Variants in NSUN6 observed in about 807,000 individuals in gnomAD.
NSUN6 encodes the protein tRNA (cytosine(72)-C(5))-methyltransferase NSUN6.
NSUN6 carries 64 observed loss-of-function variants against 58.0 expected under a neutral mutation model. That is an observed-to-expected ratio of 1.10 (90% CI 0.90 to 1.36). NSUN6 has a LOEUF of 1.36. Ranked by LOEUF, NSUN6 falls within the 40% of genes most tolerant of loss-of-function variation. The pLI is 0.00. For missense variants in NSUN6, 701 were observed against 550.1 expected (o/e 1.27, Z -2.74); for synonymous variants, 231 against 193.9 (o/e 1.19, Z -1.59).
intron 3 of NSUN6, among the ~76,000 whole-genome samples, chr10:18,617,840 G>C (rs2058467287): frequency 6.6e-6 from 1 of 152,136 alleles, no homozygotes; most frequent in Admixed American, 6.5e-5. Flanking sequence ...ATAATAAAAA[G>C]GGCTTGCAGC....
chr10:18,632,155 A>G (rs1206758214), intron 3 of NSUN6, among the ~76,000 whole-genome samples: 1 of 152,044 alleles, frequency 6.6e-6, no homozygotes, highest in African/African-American at 2.4e-5. Flanking sequence ...GCAATGGGGA[A>G]AGGATTCCCT....
intron 7 of NSUN6, among the ~76,000 whole-genome samples, chr10:18,590,147 C>A (rs2057324056): frequency 6.6e-6 from 1 of 151,828 alleles, no homozygotes; most frequent in African/African-American, 2.4e-5. Flanking sequence ...CAACAAAGAT[C>A]AAAAAAGACA....
At chr10:18,610,926 C>T (rs949152686) in intron 5 of NSUN6, among the ~76,000 whole-genome samples, 2 of 151,990 alleles carry the variant, frequency 1.3e-5, no homozygotes, top group Non-Finnish European at 2.9e-5. Flanking sequence ...GGATTTAAGC[C>T]GGCACAGTGG....
chr10:18,590,819 C>T (rs746338556), intron 7 of NSUN6, among the ~76,000 whole-genome samples: 7 of 152,042 alleles, frequency 4.6e-5, no homozygotes, highest in East Asian at 1.9e-4. Flanking sequence ...GATCTGAAAT[C>T]GACACCCAAA....
At chr10:18,591,824 C>G (rs1212099216) in intron 7 of NSUN6, among the ~76,000 whole-genome samples, 1 of 152,162 alleles carries the variant, frequency 6.6e-6, no homozygotes, top group Non-Finnish European at 1.5e-5. Context: ...AGGATGCCCC[C>G]TCTCACCACT....
chr10:18,635,909 T>C (rs2131521918), intron 3 of NSUN6, among the ~76,000 whole-genome samples: 1 of 150,590 alleles, frequency 6.6e-6, no homozygotes, highest in South Asian at 2.1e-4. Flanking sequence ...AAATCGAGCA[T>C]TACACTGGCC....
At chr10:18,561,306 G>T (rs1461604836) in intron 8 of NSUN6, among the ~76,000 whole-genome samples, 1 of 78,888 alleles carries the variant, frequency 1.3e-5, no homozygotes, top group Non-Finnish European at 2.7e-5. Flanking sequence ...ATGGAATGGA[G>T]AATGGAATGG....
Position 18,546,142 on chromosome 10 carries a change from G to C in NSUN6, c.1201C>G (p.Pro401Ala), listed in dbSNP as rs1269910952. 1 of 1,607,848 alleles carries C rather than the reference G, an allele frequency of 6.2e-7. No homozygotes were observed. The highest frequency in any genetic ancestry group is 2.2e-5 in the East Asian group (1 of 44,824). ...CTCATTCCTTCTCCTCCAATCTGCG[G>C]TTCCTGTTTGGAGAAAGTGGATCAA... ...FPCLQLQPQE[P>A]QIGGEGMRGA... The change falls in exon 11 of 11, where the codon CCG becomes GCG. Residue 401 changes from proline (P) to alanine (A), a missense_variant. By Grantham distance (27) the Pro-to-Ala change is conservative. Coordinates refer to ENST00000377304, the MANE Select transcript of NSUN6 (RefSeq NM_182543.5).
At position 18,627,654 on chromosome 10, in the gene NSUN6, G is replaced by A. The variant is rs187651143; in HGVS notation, c.312-11361C>T. Among the ~76,000 whole-genome samples, 566 of 152,300 alleles carry A rather than the reference G, an allele frequency of 3.7e-3. 4 individuals carry two copies. Among genetic ancestry groups the A allele is most frequent in the African/African-American group, 0.012 (512 of 41,574 alleles). ...CTAGTCAAAGAAAGGGGTGACAGAC[G>A]GCACCTGGAAAATTGGGTCACTCCC... On this transcript the variant is annotated intron_variant, in intron 3 of 10. Transcript: ENST00000377304.
chr10:18,639,258 G>A (rs901750966), intron 3 of NSUN6, among the ~76,000 whole-genome samples: 12 of 152,200 alleles, frequency 7.9e-5, no homozygotes, highest in Non-Finnish European at 1.2e-4. Flanking sequence ...ACTTTGGGAG[G>A]GTGAGGCAGG....
chr10:18,587,577 T>C (rs2057210692), intron 7 of NSUN6, among the ~76,000 whole-genome samples: 1 of 152,126 alleles, frequency 6.6e-6, no homozygotes, highest in Admixed American at 6.5e-5. Context: ...TCTGCATTTC[T>C]AACTGAGGTA....
chr10:18,585,023 C>G (rs777569732), intron 8 of NSUN6, among the ~76,000 whole-genome samples: 6 of 148,720 alleles, frequency 4.0e-5, no homozygotes, highest in Non-Finnish European at 8.9e-5. Context: ...GAGAGAAGGA[C>G]CTAACAGACA....
intron 6 of NSUN6, among the ~76,000 whole-genome samples, chr10:18,601,698 T>A (rs2057845779): frequency 6.6e-6 from 1 of 152,034 alleles, no homozygotes; most frequent in Non-Finnish European, 1.5e-5. Context: ...TAAAAGGAAA[T>A]AAGGCTGGGT....
chr10:18,616,046 C>T lies in NSUN6; in HGVS notation c.421+138G>A, dbSNP rs866189672. Reference sequence around the variant, plus strand: ...GTTTGTTAGTCCTTACTGGATAAAACCCTAAATGCAAAGCTGGAAAAATAC... The same window carrying T: ...GTTTGTTAGTCCTTACTGGATAAAATCCTAAATGCAAAGCTGGAAAAATAC... On this transcript the variant is annotated intron_variant, in intron 4 of 10. Coordinates refer to ENST00000377304, the MANE Select transcript of NSUN6 (RefSeq NM_182543.5). The T allele has an allele frequency of 1.9e-4, 110 of 592,578 alleles. 1 individual carries two copies. In the Middle Eastern group the frequency reaches 3.3e-3, roughly 18 times the overall value. The allele number at this position is 592,578 out of a possible 1,614,324, so 36.7% of individuals were successfully genotyped here. A position where few individuals can be genotyped will look rare whatever the true frequency, so the allele number is the denominator to read the frequency against.
intron 9 of NSUN6, among the ~76,000 whole-genome samples, chr10:18,548,598 T>G (rs187106859): frequency 7.2e-4 from 110 of 152,316 alleles, no homozygotes; most frequent in Admixed American, 6.5e-3. Context: ...TCTTAACATT[T>G]CTTTTTTATT....
intron 8 of NSUN6, among the ~76,000 whole-genome samples, chr10:18,582,251 G>A (rs2056937328): frequency 6.6e-6 from 1 of 152,178 alleles, no homozygotes; most frequent in Non-Finnish European, 1.5e-5. Flanking sequence ...TAGAAAGACA[G>A]TTAACAACTG....
At chr10:18,568,537 ATTCCATTCCAATCCATTCTCCT>A (rs951708457) in intron 8 of NSUN6, among the ~76,000 whole-genome samples, 4 of 148,326 alleles carry the variant, frequency 2.7e-5, no homozygotes, top group African/African-American at 1.0e-4. Context: ...TCCATTCTCC[ATTCCATTCCAATCCATTCTCCT>A]TTCCATTCCA....
chr10:18,601,521 T>A (rs192373323), intron 6 of NSUN6, among the ~76,000 whole-genome samples: 1 of 151,714 alleles, frequency 6.6e-6, no homozygotes, highest in Non-Finnish European at 1.5e-5. Flanking sequence ...GTAATTTTCC[T>A]AGTGGCTGGA....
intron 6 of NSUN6, among the ~76,000 whole-genome samples, chr10:18,605,834 A>G (rs1430818228): frequency 6.6e-6 from 1 of 152,190 alleles, no homozygotes; most frequent in Non-Finnish European, 1.5e-5. Context: ...TATGACAGGG[A>G]TCTAATAAAA....
Sources: allele counts gnomAD v4.1 joint callset (sites outside exome capture counted in the v4.1 genomes callset), GRCh38; gene constraint gnomAD v4.1.1; transcripts MANE v1.5; gene names NCBI Gene and HGNC (gene_info 2026-07-23, HGNC 2026-07-21).